Variants in MAST4 observed in about 807,000 individuals in gnomAD.
MAST4 encodes the protein microtubule associated serine/threonine kinase family member 4, also known as microtubule-associated serine/threonine-protein kinase 4.
Under a neutral mutation model 162.7 loss-of-function variants are expected in MAST4, and 89 were observed. The ratio of observed to expected loss-of-function variants is 0.55; its 90% CI spans 0.46 to 0.65. MAST4 has a LOEUF of 0.65. Ranked by LOEUF, MAST4 falls within the 30% of genes least tolerant of loss-of-function variation. The probability of loss-of-function intolerance (pLI) is 0.00; values close to 1 mark genes in which losing one functional copy is unlikely to be tolerated. For synonymous variants in MAST4, 1,479 were observed against 1,361.1 expected (o/e 1.09, Z -1.91); for missense variants, 3,153 against 3,374.0 (o/e 0.93, Z 1.62).
chr5:66,912,610 T>C (rs1763849036), intron 4 of MAST4, among the ~76,000 whole-genome samples: 1 of 152,206 alleles, frequency 6.6e-6, no homozygotes, highest in Non-Finnish European at 1.5e-5. Context: ...ACTACCAATA[T>C]GTATATAGAT....
At chr5:66,946,784 A>T (rs1196376841) in intron 4 of MAST4, among the ~76,000 whole-genome samples, 1 of 152,208 alleles carries the variant, frequency 6.6e-6, no homozygotes, top group Non-Finnish European at 1.5e-5. Context: ...CTTATCTCAC[A>T]TGTAATATGT....
At chr5:67,032,628 T>C (rs1461059928) in intron 4 of MAST4, among the ~76,000 whole-genome samples, 1 of 152,138 alleles carries the variant, frequency 6.6e-6, no homozygotes, top group East Asian at 1.9e-4. Context: ...CTTACCTGAC[T>C]TGATGATTTT....
chr5:67,011,793 G>A (rs1477696924), intron 4 of MAST4, among the ~76,000 whole-genome samples: 1 of 152,218 alleles, frequency 6.6e-6, no homozygotes, highest in Non-Finnish European at 1.5e-5. Context: ...ACTTACAGTA[G>A]GAGATCACAG....
At chr5:66,836,088 T>C (rs1757949051) in intron 3 of MAST4, among the ~76,000 whole-genome samples, 1 of 152,104 alleles carries the variant, frequency 6.6e-6, no homozygotes. Flanking sequence ...AGAGGATTGC[T>C]TGAGCCTGGG....
chr5:67,142,668 G>A, intron 21 of MAST4, 135 bp downstream of exon 21: 1 of 625,148 alleles, frequency 1.6e-6, no homozygotes. Context: ...TCCTTTTGTT[G>A]AAGAAAAGTG....
chr5:67,114,342 T>C, intron 12 of MAST4, 123 bp downstream of exon 12: 11 of 1,179,528 alleles, frequency 9.3e-6, no homozygotes, highest in Non-Finnish European at 1.3e-5. Context: ...TAAGTCCATA[T>C]TTGGGGACTG....
At chr5:66,797,470 C>T (rs1755706447) in intron 3 of MAST4, among the ~76,000 whole-genome samples, 1 of 152,130 alleles carries the variant, frequency 6.6e-6, no homozygotes. Context: ...TCAGTCTACT[C>T]TGGGATTCTG....
intron 4 of MAST4, among the ~76,000 whole-genome samples, chr5:66,941,098 A>G (rs1175359392): frequency 6.6e-6 from 1 of 152,146 alleles, no homozygotes. Context: ...GCTGTCATCT[A>G]GGCTTTGTTG....
At chr5:66,804,348 G>A (rs1165586277) in intron 3 of MAST4, among the ~76,000 whole-genome samples, 1 of 152,150 alleles carries the variant, frequency 6.6e-6, no homozygotes, top group African/African-American at 2.4e-5. Context: ...GTGTTGGTTG[G>A]GTCAGTCCTG....
At chr5:66,944,699 T>C (rs746590351) in intron 4 of MAST4, among the ~76,000 whole-genome samples, 1 of 152,172 alleles carries the variant, frequency 6.6e-6, no homozygotes, top group Non-Finnish European at 1.5e-5. Flanking sequence ...ATAAACTTAA[T>C]GGCTTAAAAC....
intron 3 of MAST4, among the ~76,000 whole-genome samples, chr5:66,814,831 T>C (rs1358296367): frequency 7.1e-6 from 1 of 140,382 alleles, no homozygotes; most frequent in Non-Finnish European, 1.6e-5. Flanking sequence ...AAAAGCTTTA[T>C]GATGCATCCT....
intron 7 of MAST4, among the ~76,000 whole-genome samples, chr5:67,098,984 A>G (rs764396525): frequency 1.3e-5 from 2 of 152,188 alleles, no homozygotes; most frequent in Admixed American, 6.5e-5. Flanking sequence ...CTTTGCCACC[A>G]AAAGAGATTA....
chr5:67,118,831 C>G (rs1395235974), intron 13 of MAST4, 82 bp downstream of exon 13: 2 of 794,368 alleles, frequency 2.5e-6, no homozygotes, highest in African/African-American at 1.8e-5. Context: ...TTTATTTGTT[C>G]AACAAATGTT....
chr5:66,943,499 T>G (rs1212784330), intron 4 of MAST4, among the ~76,000 whole-genome samples: 3 of 152,122 alleles, frequency 2.0e-5, no homozygotes, highest in Admixed American at 2.0e-4. Context: ...ATAGATCTTT[T>G]CGTTATCCCA....
In MAST4 at chr5:67,142,455, GGAA is replaced by G. The variant is rs1227364415; in HGVS notation, c.2658_2660del (p.Glu886del). The G allele has an allele frequency of 4.4e-6, 7 of 1,600,996 alleles. No homozygotes were observed. The highest frequency in any genetic ancestry group is 1.3e-5 in the African/African-American group (1 of 74,710). On this transcript the variant is annotated inframe_deletion, in exon 21 of 29. Coordinates refer to ENST00000403625, the MANE Select transcript of MAST4 (RefSeq NM_001164664.2). ...AGAAGTATCATCATATGGAAACGGA[GGAA>G]GAAGATGACACAAATGATGAAGACT...
intron 1 of MAST4, among the ~76,000 whole-genome samples, chr5:66,664,976 A>G (rs965859700): frequency 6.6e-6 from 1 of 152,336 alleles, no homozygotes; most frequent in Non-Finnish European, 1.5e-5. Context: ...TAAGAGCTGA[A>G]GAGTTATGTG....
Position 66,930,099 on chromosome 5 carries a change from C to G in MAST4, c.674+30117C>G, listed in dbSNP as rs147229182. Among the ~76,000 whole-genome samples the G allele has an allele frequency of 2.0e-5, 3 of 152,278 alleles. No individual in the cohort carries two copies. In the East Asian group the frequency reaches 5.8e-4, roughly 29 times the overall value. ...AGAAAAGAGAATTACTTTCCAAGAC[C>G]TAAAGAACAATGGGTCTGCTATGTG... On this transcript the variant is annotated intron_variant, in intron 4 of 28. Coordinates refer to ENST00000403625, the MANE Select transcript of MAST4 (RefSeq NM_001164664.2).
rs116948394 is a variant in MAST4, at chr5:67,057,243, T to C, written c.763+2751T>C. Among the ~76,000 whole-genome samples, 7 of 152,328 alleles carry C rather than the reference T, an allele frequency of 4.6e-5. No individual in the cohort carries two copies. In the East Asian group the frequency reaches 1.2e-3, roughly 25 times the overall value. On this transcript the variant is annotated intron_variant, in intron 5 of 28. Coordinates refer to ENST00000403625, the MANE Select transcript of MAST4 (RefSeq NM_001164664.2). ...TCACCCTTTCTGTTGCTATGTTCTCTATCCTGCGTTGGACAAAGAGTGTCA... is the reference window on the plus strand; with the variant it reads ...TCACCCTTTCTGTTGCTATGTTCTCCATCCTGCGTTGGACAAAGAGTGTCA...
intron 1 of MAST4, among the ~76,000 whole-genome samples, chr5:66,614,900 CTTTG>C (rs896086751): frequency 6.6e-6 from 1 of 152,086 alleles, no homozygotes; most frequent in South Asian, 2.1e-4. Context: ...CTTTCTGATG[CTTTG>C]TTTGGGGGTG....
Sources: allele counts gnomAD v4.1 joint callset (sites outside exome capture counted in the v4.1 genomes callset), GRCh38; gene constraint gnomAD v4.1.1; transcripts MANE v1.5; gene names NCBI Gene and HGNC (gene_info 2026-07-23, HGNC 2026-07-21).